JARID2: variants seen among roughly 807,000 people sequenced by gnomAD.
The protein encoded by JARID2 is jumonji and AT-rich interaction domain containing 2.
In JARID2, 21 loss-of-function variants were observed where a neutral mutation model predicts 125.6. The observed-to-expected ratio is 0.17, with a 90% CI of 0.12 to 0.24. The LOEUF (loss-of-function observed/expected upper bound fraction) is 0.24. Among genes scored for constraint, JARID2 ranks in the 10% least tolerant of loss-of-function variants. JARID2 has a pLI of 1.00. For missense variants in JARID2, 1,303 were observed against 1,639.6 expected, an observed-to-expected ratio of 0.79 and a Z score of 3.55; for synonymous variants, 736 against 661.6, an observed-to-expected ratio of 1.11 and a Z score of -1.73.
chr6:15,487,707 C>T (rs1049230732), intron 6 of JARID2, among the ~76,000 whole-genome samples, 165 bp downstream of exon 6: 2 of 152,228 alleles, frequency 1.3e-5, no homozygotes. Flanking sequence ...CAGGCGCCTG[C>T]ACCTTTTGTC....
At chr6:15,464,243 CTG>C (rs943793814) in intron 4 of JARID2, among the ~76,000 whole-genome samples, 1 of 152,190 alleles carries the variant, frequency 6.6e-6, no homozygotes, top group Non-Finnish European at 1.5e-5. Flanking sequence ...TTTGACCCCT[CTG>C]TGATTTTACA....
At chr6:15,405,049 T>A (rs1765593385) in intron 2 of JARID2, among the ~76,000 whole-genome samples, 1 of 152,192 alleles carries the variant, frequency 6.6e-6, no homozygotes, top group Non-Finnish European at 1.5e-5. Flanking sequence ...AAATCTGTCG[T>A]TCTCATTGGT....
At chr6:15,414,170 C>T (rs920948836) in intron 3 of JARID2, among the ~76,000 whole-genome samples, 8 of 152,026 alleles carry the variant, frequency 5.3e-5, no homozygotes, top group African/African-American at 1.9e-4. Context: ...GCTTGACTTC[C>T]TTCTTATGGA....
chr6:15,368,077 G>A (rs1764039336), intron 1 of JARID2, among the ~76,000 whole-genome samples: 1 of 152,042 alleles, frequency 6.6e-6, no homozygotes, highest in South Asian at 2.1e-4. Context: ...AGAACTCTTG[G>A]TGTAGTTAGA....
intron 4 of JARID2, among the ~76,000 whole-genome samples, chr6:15,456,279 G>C (rs1250908803): frequency 1.3e-5 from 2 of 152,182 alleles, no homozygotes; most frequent in African/African-American, 2.4e-5. Context: ...ACATTACCAA[G>C]TAAGTACCTG....
intron 1 of JARID2, among the ~76,000 whole-genome samples, chr6:15,271,891 T>G (rs1332821360): frequency 2.0e-5 from 3 of 152,174 alleles, no homozygotes; most frequent in Admixed American, 2.0e-4. Context: ...TCCCAGCTAC[T>G]CGGGAGGCTG....
chr6:15,437,956 T>C (rs1581564439), intron 3 of JARID2, among the ~76,000 whole-genome samples: 2 of 152,222 alleles, frequency 1.3e-5, no homozygotes, highest in East Asian at 3.9e-4. Flanking sequence ...CTTAGCAGAA[T>C]AGATAGAAGA....
At chr6:15,393,468 T>C (rs1361519154) in intron 2 of JARID2, among the ~76,000 whole-genome samples, 1 of 152,240 alleles carries the variant, frequency 6.6e-6, no homozygotes, top group Admixed American at 6.5e-5. Flanking sequence ...TTCTGTGCTG[T>C]TGACACAGCC....
At position 15,473,581 on chromosome 6, in the gene JARID2, G is replaced by T. The variant is rs182965550; in HGVS notation, c.670+4863G>T. 2.5e-3 allele frequency among the ~76,000 whole-genome samples: 350 copies of T among 140,372 alleles called. 3 individuals carry two copies. The highest frequency in any genetic ancestry group is 8.4e-3 in the African/African-American group (317 of 37,886). 92.1% of individuals were successfully genotyped at this position (140,372 alleles called of 152,430 possible). ...CACCCATATACCAAGGTCCTTAAGA[G>T]GGGGGTGGTGTGATCGTTGGGGCTC... On this transcript the variant is annotated intron_variant, in intron 5 of 17. Coordinates refer to ENST00000341776, the MANE Select transcript of JARID2 (RefSeq NM_004973.4).
intron 1 of JARID2, among the ~76,000 whole-genome samples, chr6:15,345,843 A>T (rs1264661990): frequency 6.6e-6 from 1 of 152,162 alleles, no homozygotes; most frequent in Non-Finnish European, 1.5e-5. Flanking sequence ...CCTTGGGTGG[A>T]CCAGAAGGCT....
chr6:15,505,100 G>A (rs975623818), intron 9 of JARID2: 1 of 154,310 alleles, frequency 6.5e-6, no homozygotes, highest in Non-Finnish European at 1.4e-5. Context: ...CCAATTAGGG[G>A]GAGTTTTTGT....
At chr6:15,382,326 A>C (rs575589362) in intron 2 of JARID2, among the ~76,000 whole-genome samples, 3 of 152,336 alleles carry the variant, frequency 2.0e-5, no homozygotes, top group South Asian at 4.1e-4. Context: ...AGGGAGGCAG[A>C]TGATGTCAGA....
At position 15,500,000 on chromosome 6, in the gene JARID2, C is replaced by T. The variant is rs773147395; in HGVS notation, c.1946-907C>T. ...TTTTATTACTTAAAAACAATATATC[C>T]CCACACTCTAAAGATTTAAAACGTT... On this transcript the variant is annotated intron_variant, in intron 7 of 17. Transcript: ENST00000341776. Among the ~76,000 whole-genome samples the T allele has an allele frequency of 2.0e-5, 3 of 152,240 alleles. No homozygotes were observed. The East Asian group carries it at 5.8e-4, about 29-fold the overall frequency.
intron 16 of JARID2, among the ~76,000 whole-genome samples, chr6:15,515,619 TAC>T (rs1444998340): frequency 6.6e-6 from 1 of 151,674 alleles, no homozygotes; most frequent in Non-Finnish European, 1.5e-5. Flanking sequence ...GACTAATCTC[TAC>T]AAAAAATACA....
chr6:15,396,957 G>A (rs1765241514), intron 2 of JARID2, among the ~76,000 whole-genome samples: 1 of 152,194 alleles, frequency 6.6e-6, no homozygotes, highest in Non-Finnish European at 1.5e-5. Flanking sequence ...TAATTGTACA[G>A]TGTGGCCTTG....
At chr6:15,338,086 A>G (rs1762940775) in intron 1 of JARID2, among the ~76,000 whole-genome samples, 1 of 152,172 alleles carries the variant, frequency 6.6e-6, no homozygotes, top group Admixed American at 6.5e-5. Context: ...GGCGTAGGTG[A>G]GGGCAGTTAA....
chr6:15,493,750 G>A (rs1015982724), intron 6 of JARID2, among the ~76,000 whole-genome samples: 1 of 134,960 alleles, frequency 7.4e-6, no homozygotes, highest in Non-Finnish European at 1.6e-5. Context: ...TAAATGTTTT[G>A]TCTTGTTTTG....
chr6:15,290,331 T>G (rs1342421083), intron 1 of JARID2, among the ~76,000 whole-genome samples: 2 of 152,258 alleles, frequency 1.3e-5, no homozygotes, highest in East Asian at 3.8e-4. Context: ...TTTTTGGCTG[T>G]TATTGCTGTG....
At chr6:15,347,503 A>T (rs1029758995) in intron 1 of JARID2, among the ~76,000 whole-genome samples, 1 of 152,112 alleles carries the variant, frequency 6.6e-6, no homozygotes, top group East Asian at 1.9e-4. Context: ...ATTTGAGAAA[A>T]ATATTTTATT....
Sources: gnomAD v4.1 joint callset for allele counts (sites outside exome capture counted in the v4.1 genomes callset) on GRCh38, gnomAD v4.1.1 for gene constraint, MANE v1.5 for transcripts, NCBI Gene and HGNC (gene_info 2026-07-23, HGNC 2026-07-21) for gene names.